Variants in SLC4A4 observed in about 807,000 individuals in gnomAD.
The protein encoded by SLC4A4 is electrogenic sodium bicarbonate cotransporter 1.
A neutral mutation model predicts 111.5 loss-of-function variants in SLC4A4; 27 were observed. That is an observed-to-expected ratio of 0.24 (90% CI 0.18 to 0.33). SLC4A4 has a LOEUF of 0.33. SLC4A4 is among the 10% of genes least tolerant of loss of function. SLC4A4 has a pLI of 1.00. For synonymous variants in SLC4A4, 443 were observed against 463.4 expected, an observed-to-expected ratio of 0.96 and a Z score of 0.57; for missense variants, 909 against 1,315.5, an observed-to-expected ratio of 0.69 and a Z score of 4.78.
intron 16 of SLC4A4, among the ~76,000 whole-genome samples, chr4:71,507,698 A>G (rs532044977): frequency 6.6e-6 from 1 of 152,318 alleles, no homozygotes; most frequent in Non-Finnish European, 1.5e-5. Flanking sequence ...AGAGAAAATT[A>G]ACAAAGGTAT....
chr4:71,546,967 A>G (rs988159390), intron 19 of SLC4A4, among the ~76,000 whole-genome samples: 1 of 151,954 alleles, frequency 6.6e-6, no homozygotes, highest in Non-Finnish European at 1.5e-5. Context: ...CCAGACGTTC[A>G]ATTTGGGTAG....
At chr4:71,270,377 A>G (rs937214070) in intron 3 of SLC4A4, among the ~76,000 whole-genome samples, 5 of 152,178 alleles carry the variant, frequency 3.3e-5, no homozygotes, top group African/African-American at 9.7e-5. Flanking sequence ...GGCATGAGCC[A>G]CCGTGCCCGG....
intron 1 of SLC4A4, among the ~76,000 whole-genome samples, chr4:71,234,216 T>C (rs544462096): frequency 6.8e-4 from 104 of 152,372 alleles, no homozygotes; most frequent in Middle Eastern, 6.8e-3. Flanking sequence ...AAGTGCTTAA[T>C]GCTATCTGAG....
intron 16 of SLC4A4, among the ~76,000 whole-genome samples, chr4:71,525,111 G>C (rs1471538365): frequency 6.6e-6 from 1 of 152,066 alleles, no homozygotes; most frequent in Non-Finnish European, 1.5e-5. Context: ...AATTAATACA[G>C]TATCATCTTT....
At position 71,246,900 on chromosome 4, in the gene SLC4A4, G is replaced by A. The variant is rs190156951; in HGVS notation, c.74-8320G>A. 4.6e-5 allele frequency among the ~76,000 whole-genome samples: 7 copies of A among 152,170 alleles called. No homozygotes were observed. The East Asian group carries it at 1.4e-3, about 29-fold the overall frequency. ...CCTATTTGACTTTAGTTAGATCACT[G>A]GTAAATGAAGAGGCTGAACCGGTTA... On this transcript the variant is annotated intron_variant, in intron 2 of 25. Transcript: ENST00000264485.
intron 16 of SLC4A4, among the ~76,000 whole-genome samples, chr4:71,501,790 T>A (rs1268795999): frequency 6.6e-6 from 1 of 151,528 alleles, no homozygotes; most frequent in African/African-American, 2.4e-5. Context: ...GCCTCCCAGG[T>A]AGCTGGGACT....
intron 3 of SLC4A4, among the ~76,000 whole-genome samples, chr4:71,326,704 G>A (rs1727531776): frequency 6.6e-6 from 1 of 151,996 alleles, no homozygotes; most frequent in Non-Finnish European, 1.5e-5. Flanking sequence ...GCATTCTCTA[G>A]GCAGCTGTTG....
At chr4:71,536,464 A>G (rs1221063362) in intron 18 of SLC4A4, among the ~76,000 whole-genome samples, 2 of 53,330 alleles carry the variant, frequency 3.8e-5, no homozygotes, top group African/African-American at 1.3e-4. Flanking sequence ...ATACATATAT[A>G]CATATATATA....
chr4:71,192,817 C>T (rs1745794923), intron 1 of SLC4A4, among the ~76,000 whole-genome samples: 1 of 152,218 alleles, frequency 6.6e-6, no homozygotes, highest in Admixed American at 6.5e-5. Flanking sequence ...TAGACCATTG[C>T]TGGCATCCGG....
In SLC4A4 at chr4:71,453,684, G is replaced by T; in HGVS notation, c.1497+15G>T. The T allele has an allele frequency of 6.2e-7, 1 of 1,613,588 alleles. No homozygotes were observed. The highest frequency in any genetic ancestry group is 8.5e-7 in the Non-Finnish European group (1 of 1,179,666). On this transcript the variant is annotated intron_variant, in intron 12 of 25. Transcript: ENST00000264485. ...ACAACATGCAGGTGGGTATGGTTTT[G>T]AGGAGGACACAAATAGTACAGCCCA...
chr4:71,286,832 A>G (rs1723954643), intron 3 of SLC4A4, among the ~76,000 whole-genome samples: 1 of 152,204 alleles, frequency 6.6e-6, no homozygotes. Flanking sequence ...GCCAGGCACT[A>G]TGTTGTACAT....
intron 3 of SLC4A4, among the ~76,000 whole-genome samples, chr4:71,287,703 GCAATTTCAA>G (rs1338917693): frequency 6.6e-6 from 1 of 152,054 alleles, no homozygotes; most frequent in Non-Finnish European, 1.5e-5. Flanking sequence ...ATTTCTTTAT[GCAATTTCAA>G]AATGAAAAAT....
In SLC4A4 at chr4:71,474,058, G is replaced by A. The variant is rs76648842; in HGVS notation, c.1903+1088G>A. Among the ~76,000 whole-genome samples the A allele has an allele frequency of 7.2e-3, 1,082 of 150,712 alleles. 15 individuals are homozygous for A. Among genetic ancestry groups the A allele is most frequent in the African/African-American group, 0.025 (1,009 of 41,096 alleles). On this transcript the variant is annotated intron_variant, in intron 14 of 25. Transcript: ENST00000264485. ...TCTACAAAAAATAGAAAAACCAGCC[G>A]GGTGTGGTGGCACGTACCTGTAGCT...
chr4:71,545,013 T>A (rs1390982600), intron 18 of SLC4A4, among the ~76,000 whole-genome samples: 1 of 152,020 alleles, frequency 6.6e-6, no homozygotes, highest in Admixed American at 6.6e-5. Context: ...ACAAATTTAT[T>A]TCAGCTCATC....
At chr4:71,091,046 C>T (rs1048653702) in intron 1 of SLC4A4, among the ~76,000 whole-genome samples, 9 of 152,274 alleles carry the variant, frequency 5.9e-5, no homozygotes, top group Middle Eastern at 3.4e-3. Context: ...CTCCTGAGTT[C>T]AAGTGATTCT....
At chr4:71,363,370 G>T (rs1730973117) in intron 6 of SLC4A4, among the ~76,000 whole-genome samples, 1 of 151,992 alleles carries the variant, frequency 6.6e-6, no homozygotes, top group African/African-American at 2.4e-5. Context: ...GCTTATTTTG[G>T]ATCTGGCTGG....
intron 23 of SLC4A4, among the ~76,000 whole-genome samples, chr4:71,561,535 T>G (rs1736977629): frequency 6.6e-6 from 1 of 151,758 alleles, no homozygotes; most frequent in Admixed American, 6.6e-5. Context: ...GAGACAGAAT[T>G]GGATTTCACA....
rs959913119 is a variant in SLC4A4, at chr4:71,457,387, T to C, written c.1497+3718T>C. ...CCATTAGGCTGCTCTGAGAGAACTC[T>C]GGGACTTACAGAATGGGTATTCACA... On this transcript the variant is annotated intron_variant, in intron 12 of 25. Coordinates refer to ENST00000264485, the MANE Select transcript of SLC4A4 (RefSeq NM_001098484.3). 5.3e-4 allele frequency among the ~76,000 whole-genome samples: 81 copies of C among 152,154 alleles called. 1 individual carries two copies. The highest frequency in any genetic ancestry group is 2.4e-4 in the Non-Finnish European group (16 of 68,008).
At chr4:71,134,296 T>G (rs905375202) in intron 2 of SLC4A4, among the ~76,000 whole-genome samples, 1 of 152,204 alleles carries the variant, frequency 6.6e-6, no homozygotes, top group African/African-American at 2.4e-5. Context: ...TTCTCCCATG[T>G]CACTGCTGGC....
Sources: allele counts gnomAD v4.1 joint callset (sites outside exome capture counted in the v4.1 genomes callset), GRCh38; gene constraint gnomAD v4.1.1; transcripts MANE v1.5; gene names NCBI Gene and HGNC (gene_info 2026-07-23, HGNC 2026-07-21).